PCDH11X: variants seen among roughly 807,000 people sequenced by gnomAD.
The protein encoded by PCDH11X is protocadherin-11 X-linked.
In PCDH11X, 18 loss-of-function variants were observed where a neutral mutation model predicts 53.3. The ratio of observed to expected loss-of-function variants is 0.34; its 90% CI spans 0.23 to 0.50. The LOEUF (loss-of-function observed/expected upper bound fraction) is 0.50, where lower values mean the gene tolerates loss of function less well. PCDH11X is among the 20% of genes least tolerant of loss of function. PCDH11X has a pLI of 0.98. For synonymous variants in PCDH11X, 279 were observed against 393.3 expected (o/e 0.71, Z 3.44); for missense variants, 570 against 1,032.4 (o/e 0.55, Z 6.14).
At chrX:92,384,868 G>T (rs1346503353) in intron 8 of PCDH11X, among the ~76,000 whole-genome samples, 1 of 98,600 alleles carries the variant, frequency 1.0e-5, no homozygotes, top group Non-Finnish European at 2.1e-5. Context: ...ATCTTACAAA[G>T]GCAATCTAGT....
At chrX:91,859,445 G>T (rs1938536953) in intron 5 of PCDH11X, among the ~76,000 whole-genome samples, 1 of 109,153 alleles carries the variant, frequency 9.2e-6, no homozygotes, top group African/African-American at 3.3e-5. Flanking sequence ...TTCTTTTGTT[G>T]TGCAGAAGCT....
At chrX:91,966,736 G>A (rs1020478155) in intron 6 of PCDH11X, among the ~76,000 whole-genome samples, 2 of 111,263 alleles carry the variant, frequency 1.8e-5, no homozygotes, top group African/African-American at 3.3e-5. Context: ...TAACGGGCAC[G>A]TATTTTTAAA....
At chrX:92,327,343 TTTGCAGTGC>T (rs2069362288) in intron 8 of PCDH11X, among the ~76,000 whole-genome samples, 1 of 94,590 alleles carries the variant, frequency 1.1e-5, no homozygotes, top group Non-Finnish European at 2.1e-5. Flanking sequence ...AAAAAAAGCT[TTTGCAGTGC>T]TTGATTACTG....
At chrX:91,926,913 T>C (rs1448590428) in intron 6 of PCDH11X, among the ~76,000 whole-genome samples, 1 of 111,083 alleles carries the variant, frequency 9.0e-6, no homozygotes, top group Admixed American at 9.7e-5. Flanking sequence ...TTATTCTTTC[T>C]TTCTAGCTGT....
intron 7 of PCDH11X, among the ~76,000 whole-genome samples, chrX:92,218,518 A>T: frequency 9.0e-6 from 1 of 110,832 alleles, no homozygotes; most frequent in Non-Finnish European, 1.9e-5. Context: ...ATCTCTGAAT[A>T]GACCAATAAC....
chrX:92,435,391 C>G (rs2148629164), intron 9 of PCDH11X, among the ~76,000 whole-genome samples: 1 of 110,164 alleles, frequency 9.1e-6, no homozygotes, highest in African/African-American at 3.3e-5. Context: ...AAAAATTTCC[C>G]CAATATTGCT....
intron 1 of PCDH11X, among the ~76,000 whole-genome samples, chrX:91,799,664 A>T (rs964189317): frequency 1.8e-5 from 2 of 112,398 alleles, no homozygotes; most frequent in African/African-American, 6.5e-5. Flanking sequence ...GAAAGGTGTG[A>T]GGCTCTAGAT....
intron 6 of PCDH11X, among the ~76,000 whole-genome samples, chrX:92,127,312 A>G (rs1368426446): frequency 3.7e-5 from 4 of 108,718 alleles, no homozygotes; most frequent in Non-Finnish European, 7.6e-5. Flanking sequence ...CCAGCCAAAA[A>G]TTTGAATACC....
intron 9 of PCDH11X, among the ~76,000 whole-genome samples, chrX:92,394,721 T>C (rs769991877): frequency 8.9e-6 from 1 of 112,103 alleles, no homozygotes; most frequent in East Asian, 2.8e-4. Flanking sequence ...ATTCAAGATG[T>C]AGCATTTGGG....
intron 6 of PCDH11X, among the ~76,000 whole-genome samples, chrX:92,161,175 A>G (rs2065635878): frequency 8.9e-6 from 1 of 111,829 alleles, no homozygotes; most frequent in South Asian, 3.7e-4. Flanking sequence ...TTCAAAATTG[A>G]TAGCTCCTTT....
chrX:92,429,057 A>G (rs1309217994), intron 9 of PCDH11X, among the ~76,000 whole-genome samples: 1 of 110,931 alleles, frequency 9.0e-6, no homozygotes, highest in Non-Finnish European at 1.9e-5. Flanking sequence ...ATAAAATGCT[A>G]ACTTATAGGG....
chrX:92,412,893 T>C (rs765747276), intron 9 of PCDH11X, among the ~76,000 whole-genome samples: 1 of 110,090 alleles, frequency 9.1e-6, no homozygotes, highest in African/African-American at 3.3e-5. Context: ...CATGATCATA[T>C]GTACATGTTA....
At chrX:92,209,287 G>T (rs925085827) in intron 7 of PCDH11X, among the ~76,000 whole-genome samples, 1 of 111,555 alleles carries the variant, frequency 9.0e-6, no homozygotes, top group Non-Finnish European at 1.9e-5. Context: ...AGTCCCTTCT[G>T]ACTATTAATC....
intron 6 of PCDH11X, among the ~76,000 whole-genome samples, chrX:92,079,504 A>T (rs34616448): frequency 4.5e-5 from 5 of 111,015 alleles, no homozygotes; most frequent in African/African-American, 1.6e-4. Context: ...TTAAATCCCA[A>T]CTCTGATATC....
At chrX:92,371,111 A>T (rs1374763877) in intron 8 of PCDH11X, among the ~76,000 whole-genome samples, 1 of 111,502 alleles carries the variant, frequency 9.0e-6, no homozygotes, top group African/African-American at 3.3e-5. Flanking sequence ...TTCTAACATG[A>T]GTCTATTGTA....
intron 7 of PCDH11X, among the ~76,000 whole-genome samples, chrX:92,242,185 C>T (rs943121228): frequency 9.0e-6 from 1 of 110,647 alleles, no homozygotes; most frequent in African/African-American, 3.3e-5. Context: ...TATCTCATTA[C>T]CCTTCTTTAT....
At chrX:92,162,963 G>A (rs777888366) in intron 6 of PCDH11X, among the ~76,000 whole-genome samples, 108 of 102,226 alleles carry the variant, frequency 1.1e-3, no homozygotes, top group African/African-American at 3.8e-3. Context: ...GTGGGGGCAG[G>A]GTTAGGTGTG....
At chrX:92,576,344 T>G (rs1253055309) in intron 10 of PCDH11X, among the ~76,000 whole-genome samples, 4 of 92,252 alleles carry the variant, frequency 4.3e-5, no homozygotes, top group African/African-American at 1.6e-4. Context: ...AGTCTTTTTT[T>G]TTTTCAATCC....
At chrX:92,583,102 G>GT (rs1923907805) in intron 10 of PCDH11X, among the ~76,000 whole-genome samples, 2 of 75,418 alleles carry the variant, frequency 2.7e-5, no homozygotes, top group East Asian at 6.2e-4. Flanking sequence ...TTGGACTGTG[G>GT]ATTTTTTTTT....
Sources: gnomAD v4.1 joint callset for allele counts (sites outside exome capture counted in the v4.1 genomes callset) on GRCh38, gnomAD v4.1.1 for gene constraint, MANE v1.5 for transcripts, NCBI Gene and HGNC (gene_info 2026-07-23, HGNC 2026-07-21) for gene names.